ROCK1: variants seen among roughly 807,000 people sequenced by gnomAD.
ROCK1 encodes Rho associated coiled-coil containing protein kinase 1.
ROCK1 carries 36 observed loss-of-function variants against 196.8 expected under a neutral mutation model. The ratio of observed to expected loss-of-function variants is 0.18; its 90% CI spans 0.14 to 0.24. The LOEUF (loss-of-function observed/expected upper bound fraction) is 0.24, where lower values mean the gene tolerates loss of function less well. Among genes scored for constraint, ROCK1 ranks in the 10% least tolerant of loss-of-function variants. ROCK1 has a pLI of 1.00. For missense variants in ROCK1, 920 were observed against 1,562.0 expected (o/e 0.59, Z 6.93); for synonymous variants, 443 against 515.9 (o/e 0.86, Z 1.91).
Position 21,008,041 on chromosome 18 carries a change from AAAG to A in ROCK1, c.1546+15_1546+17del, listed in dbSNP as rs1772396562. The A allele has an allele frequency of 1.3e-6, 2 of 1,573,348 alleles. No individual in the cohort carries two copies. The highest frequency in any genetic ancestry group is 2.7e-5 in the African/African-American group (2 of 73,036). On this transcript the variant is annotated intron_variant, in intron 14 of 32. Transcript: ENST00000399799. ...GTGTTAGAAATTCTATCATTTTTCA[AAAG>A]TAGTGACAATTTACCTTCATTTTCT...
chr18:21,080,032 T>C (rs1389700639), intron 1 of ROCK1, among the ~76,000 whole-genome samples: 1 of 152,164 alleles, frequency 6.6e-6, no homozygotes, highest in East Asian at 1.9e-4. Context: ...GAAAGAGAAG[T>C]GAGAACAAAA....
chr18:20,966,248 A>AGTTTAC (rs2035373219), intron 27 of ROCK1, among the ~76,000 whole-genome samples: 1 of 152,166 alleles, frequency 6.6e-6, no homozygotes, highest in African/African-American at 2.4e-5. Flanking sequence ...AAAGTACATA[A>AGTTTAC]AGGTATTATA....
rs1220509028 is a variant in ROCK1 at position 20,991,230 on chromosome 18, G to A, written c.2089C>T (p.Arg697Cys). The A allele has an allele frequency of 6.8e-6, 11 of 1,613,056 alleles. No homozygotes were observed. The highest frequency in any genetic ancestry group is 2.2e-5 in the East Asian group (1 of 44,826). Residue 697 changes from arginine to cysteine, a missense_variant, in exon 18 of 33, where the codon CGT (arginine) becomes TGT (cysteine). Coordinates refer to ENST00000399799, the MANE Select transcript of ROCK1 (RefSeq NM_005406.3). ...EVNEHKVTKA[R>C]LTDKHQSIEE... is the part of the protein sequence containing the mutation. ...ATAGATTGATGTTTGTCAGTTAAAC[G>A]AGCTTTGGTTACTTTGTGTTCATTT...
intron 20 of ROCK1, 79 bp downstream of exon 20, chr18:20,984,272 C>T: frequency 9.5e-7 from 1 of 1,054,716 alleles, no homozygotes; most frequent in Non-Finnish European, 1.4e-6. Flanking sequence ...ATAATCTGTA[C>T]ATATGTAAAA....
Position 20,969,681 on chromosome 18 carries a change from T to C in ROCK1, c.2821-473A>G, listed in dbSNP as rs544564374. The stretch of plus-strand genomic sequence containing the variant: ...TAATCATTCTATGTCTACTGTCTTA[T>C]TTAATCCTCATAACAATCATGTGGA... On this transcript the variant is annotated intron_variant, in intron 23 of 32. Coordinates refer to ENST00000399799, the MANE Select transcript of ROCK1 (RefSeq NM_005406.3). Among the ~76,000 whole-genome samples, 5 of 152,278 alleles carry C rather than the reference T, an allele frequency of 3.3e-5. No homozygotes were observed. In the East Asian group the frequency reaches 9.6e-4, roughly 29 times the overall value.
chr18:21,018,723 A>G (rs546930762), intron 12 of ROCK1, among the ~76,000 whole-genome samples: 12 of 152,270 alleles, frequency 7.9e-5, no homozygotes, highest in Admixed American at 5.2e-4. Flanking sequence ...CACATAATCT[A>G]TCAGGAATGG....
chr18:21,039,578 A>T lies in ROCK1; in HGVS notation c.960-15T>A. 1 of 1,546,970 alleles carries T rather than the reference A, an allele frequency of 6.5e-7. No individual in the cohort carries two copies. The highest frequency in any genetic ancestry group is 8.9e-7 in the Non-Finnish European group (1 of 1,119,458). On this transcript the variant is annotated splice_polypyrimidine_tract_variant and intron_variant, in intron 8 of 32. Coordinates refer to ENST00000399799, the MANE Select transcript of ROCK1 (RefSeq NM_005406.3). ...ACCTCACTTCCCTGAATAATGACAG[A>T]AGGAGAAAAGTAATCAATCATTTAA...
intron 1 of ROCK1, among the ~76,000 whole-genome samples, chr18:21,074,075 T>C (rs529842645): frequency 6.6e-6 from 1 of 152,262 alleles, no homozygotes; most frequent in South Asian, 2.1e-4. Context: ...GGAAGATCGC[T>C]TGAGCCCAGG....
chr18:20,977,363 C>T lies in ROCK1; in HGVS notation c.2654+2547G>A, dbSNP rs142093898. On this transcript the variant is annotated intron_variant, in intron 22 of 32. Transcript: ENST00000399799. ...TTTCTCTCTCCAGCCTTATCTGTCA[C>T]GAACTAACCATTTGCTGTTCCTCAG... Among the ~76,000 whole-genome samples, 55 of 152,304 alleles carry T rather than the reference C, an allele frequency of 3.6e-4. No individual in the cohort carries two copies. The East Asian group carries it at 8.7e-3, about 24-fold the overall frequency.
At chr18:21,070,488 A>G (rs1439497011) in intron 2 of ROCK1, 44 bp downstream of exon 2, 2 of 989,730 alleles carry the variant, frequency 2.0e-6, no homozygotes, top group Non-Finnish European at 3.1e-6. Flanking sequence ...GTGAAAATGT[A>G]GTTATATGAA....
intron 1 of ROCK1, among the ~76,000 whole-genome samples, chr18:21,081,324 A>C (rs1166164411): frequency 2.6e-5 from 4 of 152,160 alleles, no homozygotes; most frequent in East Asian, 1.9e-4. Context: ...TGAAAATGAA[A>C]ATACAATGTA....
chr18:21,066,040 G>A (rs2036331695), intron 2 of ROCK1, among the ~76,000 whole-genome samples: 1 of 152,030 alleles, frequency 6.6e-6, no homozygotes, highest in Non-Finnish European at 1.5e-5. Flanking sequence ...TCTGATATAT[G>A]TCAGCAAAAA....
chr18:21,052,767 T>A (rs1204130258), intron 2 of ROCK1, among the ~76,000 whole-genome samples: 2 of 152,102 alleles, frequency 1.3e-5, no homozygotes, highest in Non-Finnish European at 2.9e-5. Flanking sequence ...TGAGGTGGAA[T>A]AGTTTCATAA....
intron 1 of ROCK1, among the ~76,000 whole-genome samples, chr18:21,085,759 T>C (rs1398230065): frequency 2.6e-5 from 4 of 152,244 alleles, no homozygotes; most frequent in East Asian, 1.9e-4. Flanking sequence ...GAGCAAGTTA[T>C]TTAACCCATC....
At chr18:21,049,699 T>C in intron 3 of ROCK1, 81 bp downstream of exon 3, 1 of 899,462 alleles carries the variant, frequency 1.1e-6, no homozygotes, top group Admixed American at 2.7e-5. Flanking sequence ...AAACAGTATT[T>C]TCCCAAATAA....
At chr18:21,067,263 C>T (rs2036342673) in intron 2 of ROCK1, among the ~76,000 whole-genome samples, 1 of 151,894 alleles carries the variant, frequency 6.6e-6, no homozygotes, top group African/African-American at 2.4e-5. Flanking sequence ...TACTTTTAAA[C>T]TGAACTATTT....
At chr18:20,995,737 G>A (rs1008454461) in intron 16 of ROCK1, among the ~76,000 whole-genome samples, 5 of 152,180 alleles carry the variant, frequency 3.3e-5, no homozygotes, top group African/African-American at 1.2e-4. Context: ...AGAAAGGGAA[G>A]AGAACAGAGC....
chr18:21,031,879 A>C (rs1375748815), intron 9 of ROCK1, among the ~76,000 whole-genome samples: 1 of 152,174 alleles, frequency 6.6e-6, no homozygotes, highest in Non-Finnish European at 1.5e-5. Context: ...CTGAACAGGC[A>C]GAGGAAAAAA....
intron 31 of ROCK1, 137 bp downstream of exon 31, chr18:20,954,646 A>T: frequency 2.5e-6 from 2 of 800,890 alleles, no homozygotes; most frequent in Non-Finnish European, 3.9e-6. Context: ...ATAGCTGCAT[A>T]TTGCCCCACC....
Sources: allele counts gnomAD v4.1 joint callset (sites outside exome capture counted in the v4.1 genomes callset), GRCh38; gene constraint gnomAD v4.1.1; transcripts MANE v1.5; gene names NCBI Gene and HGNC (gene_info 2026-07-23, HGNC 2026-07-21).